The following RAB3IL1 variants were observed in gnomAD, a reference collection of about 807,000 sequenced individuals.
The protein encoded by RAB3IL1 is guanine nucleotide exchange factor for Rab-3A.
In RAB3IL1, 37 loss-of-function variants were observed where a neutral mutation model predicts 49.2. The ratio of observed to expected loss-of-function variants is 0.75; its 90% CI spans 0.58 to 0.99. The LOEUF (loss-of-function observed/expected upper bound fraction) is 0.99, where lower values mean the gene tolerates loss of function less well. Ranked by LOEUF, RAB3IL1 falls within the 50% of genes least tolerant of loss-of-function variation. The probability of loss-of-function intolerance (pLI) is 0.00; values close to 1 mark genes in which losing one functional copy is unlikely to be tolerated. For synonymous variants in RAB3IL1, 193 were observed against 213.9 expected (o/e 0.90, Z 0.85); for missense variants, 484 against 513.0 (o/e 0.94, Z 0.55).
chr11:61,898,079 T>G lies in RAB3IL1; in HGVS notation c.*199A>C, dbSNP rs1591210895. ...GAACCCAGTGGGGAAGAGAGGGGGG[T>G]CTTGCCGTGAAGTCCAGGCCCGTCT... On this transcript the variant is annotated 3_prime_UTR_variant, in exon 10 of 10. Coordinates refer to ENST00000394836, the MANE Select transcript of RAB3IL1 (RefSeq NM_013401.4). This position sits in a 1 kb window ranked among gnomAD's most constrained non-coding sequence, Gnocchi z 5.1. 9.0e-6 allele frequency: 5 copies of G among 558,584 alleles called. No homozygotes were observed. The highest frequency in any genetic ancestry group is 3.1e-5 in the East Asian group (1 of 32,654). The allele number at this position is 558,584 out of a possible 1,614,324, so 34.6% of individuals were successfully genotyped here.
upstream of RAB3IL1, among the ~76,000 whole-genome samples, chr11:61,921,103 A>G (rs918597441): frequency 6.6e-6 from 1 of 152,074 alleles, no homozygotes; most frequent in Non-Finnish European, 1.5e-5. Context: ...AGCTCAAGCC[A>G]TCCTCCCACC....
At chr11:61,933,290 C>G in the RAB3IL1 span, among the ~76,000 whole-genome samples, 1 of 151,980 alleles carries the variant, frequency 6.6e-6, no homozygotes, top group Admixed American at 6.6e-5. Context: ...CACATGTATC[C>G]TTATAAGAGG....
At chr11:61,928,275 CA>C in the RAB3IL1 span, among the ~76,000 whole-genome samples, 1 of 152,132 alleles carries the variant, frequency 6.6e-6, no homozygotes, top group Admixed American at 6.6e-5. Flanking sequence ...AAGGAAAGTG[CA>C]GCCAAAGCTG....
At chr11:61,921,592 G>A (rs568673655), upstream of RAB3IL1, among the ~76,000 whole-genome samples, 2 of 152,074 alleles carry the variant, frequency 1.3e-5, no homozygotes, top group East Asian at 1.9e-4. Context: ...TTAGCCCTGC[G>A]TCATGACAAA....
At chr11:61,902,914 G>T (rs1306438996) in intron 7 of RAB3IL1, among the ~76,000 whole-genome samples, 1 of 152,066 alleles carries the variant, frequency 6.6e-6, no homozygotes, top group Non-Finnish European at 1.5e-5. Flanking sequence ...CAGAGTTGAG[G>T]TCTGGCTGCC....
intron 1 of RAB3IL1, 102 bp downstream of exon 1, chr11:61,917,255 G>T (rs948713905): frequency 2.3e-6 from 3 of 1,310,870 alleles, no homozygotes; most frequent in Admixed American, 3.9e-5. Context: ...CAGCACCTCC[G>T]GGTGGCGGCG....
chr11:61,940,574 C>T, the RAB3IL1 span, among the ~76,000 whole-genome samples: 1 of 151,970 alleles, frequency 6.6e-6, no homozygotes, highest in African/African-American at 2.4e-5. Context: ...ATTCCTTGAG[C>T]CCAAGAGTTC....
chr11:61,922,677 G>C (rs1422599051), upstream of RAB3IL1, among the ~76,000 whole-genome samples: 1 of 152,134 alleles, frequency 6.6e-6, no homozygotes, highest in African/African-American at 2.4e-5. Context: ...CTGCTGGGGA[G>C]AAGCTGCCAG....
chr11:61,923,446 G>A (rs143605816), upstream of RAB3IL1, among the ~76,000 whole-genome samples: 150 of 152,256 alleles, frequency 9.9e-4, 2 homozygotes, highest in Middle Eastern at 0.014. Context: ...GGCTCACAAG[G>A]CCACCATCCG....
rs1000113162 is a variant in RAB3IL1 at position 61,906,514 on chromosome 11, C to T, written c.609G>A (p.Val203=). ...KSTSSTLCPA[V]CPAAGHTLTP... Reference sequence around the variant, plus strand: ...TGAGGGTGTGTCCCGCAGCGGGACACACGGCGGGGCAGAGGGTGCTGCTGG... The same window carrying T: ...TGAGGGTGTGTCCCGCAGCGGGACATACGGCGGGGCAGAGGGTGCTGCTGG... Residue 203 remains valine, a synonymous_variant, in exon 5 of 10, where the codon GTG becomes GTA. Coordinates refer to ENST00000394836, the MANE Select transcript of RAB3IL1 (RefSeq NM_013401.4). The surrounding 1 kb of genome is among the most constrained non-coding windows in gnomAD (Gnocchi z 4.6). 1.3e-6 allele frequency: 2 copies of T among 1,554,080 alleles called. No individual in the cohort carries two copies. The highest frequency in any genetic ancestry group is 1.7e-6 in the Non-Finnish European group (2 of 1,150,618).
chr11:61,912,426 T>C (rs1470184069), intron 1 of RAB3IL1, among the ~76,000 whole-genome samples: 3 of 152,216 alleles, frequency 2.0e-5, no homozygotes, highest in African/African-American at 7.2e-5. Context: ...CAGCAAAGCT[T>C]GGCTCCCCTA....
chr11:61,914,599 C>A (rs1939598357), intron 1 of RAB3IL1, among the ~76,000 whole-genome samples: 2 of 152,158 alleles, frequency 1.3e-5, no homozygotes, highest in Admixed American at 6.5e-5. Context: ...CAGACTGGAG[C>A]TGCCTCTGGG....
At chr11:61,907,802 T>C in intron 2 of RAB3IL1, 142 bp from the exon 3 acceptor site, 1 of 916,628 alleles carries the variant, frequency 1.1e-6, no homozygotes, top group Non-Finnish European at 1.7e-6. Flanking sequence ...CCTGACAGTT[T>C]GTGATGCTTT....
chr11:61,928,408 T>C, the RAB3IL1 span, among the ~76,000 whole-genome samples: 5 of 151,552 alleles, frequency 3.3e-5, no homozygotes, highest in Admixed American at 1.3e-4. Flanking sequence ...TCAAAATATA[T>C]GGAGCTAGGA....
chr11:61,916,031 C>CA (rs35371411), intron 1 of RAB3IL1, among the ~76,000 whole-genome samples: 21,824 of 88,728 alleles, frequency 0.25, 2,631 homozygotes, highest in South Asian at 0.46. Flanking sequence ...CACTCTGTCT[C>CA]AAAAAAAAAA....
upstream of RAB3IL1, among the ~76,000 whole-genome samples, chr11:61,921,311 C>T (rs748126511): frequency 5.3e-5 from 8 of 152,176 alleles, no homozygotes; most frequent in African/African-American, 1.9e-4. Context: ...CACTTTCAGA[C>T]GGTGTGCCTT....
At chr11:61,936,999 C>T in the RAB3IL1 span, among the ~76,000 whole-genome samples, 1 of 151,996 alleles carries the variant, frequency 6.6e-6, no homozygotes, top group Admixed American at 6.6e-5. Context: ...AACTCAAAAC[C>T]ACATGAAGAA....
chr11:61,939,103 A>G, the RAB3IL1 span, among the ~76,000 whole-genome samples: 1 of 152,196 alleles, frequency 6.6e-6, no homozygotes, highest in African/African-American at 2.4e-5. Context: ...AAGTACACAT[A>G]AAACATTCCC....
rs1401274304 is a variant in RAB3IL1 at position 61,917,496 on chromosome 11, C to G, written c.-129G>C. On this transcript the variant is annotated 5_prime_UTR_variant, in exon 1 of 10. Coordinates refer to ENST00000394836, the MANE Select transcript of RAB3IL1 (RefSeq NM_013401.4). ...ACCGCCTGTCAGCCCTGCCCGCGGC[C>G]GGTCAGTAGGTCTCAGACGCCTGGG... The G allele has an allele frequency of 7.9e-6, 9 of 1,142,764 alleles. No homozygotes were observed. Among genetic ancestry groups the G allele is most frequent in the African/African-American group, 6.6e-5 (4 of 60,954 alleles). The allele number at this position is 1,142,764 out of a possible 1,614,324, so 70.8% of individuals were successfully genotyped here. A position where few individuals can be genotyped will look rare whatever the true frequency, so the allele number is the denominator to read the frequency against.
Sources: allele counts gnomAD v4.1 joint callset (sites outside exome capture counted in the v4.1 genomes callset), GRCh38; gene constraint gnomAD v4.1.1; non-coding constraint Gnocchi (gnomAD v3.1); transcripts MANE v1.5; gene names NCBI Gene and HGNC (gene_info 2026-07-23, HGNC 2026-07-21).